The following PRCC variants were observed in gnomAD, a reference collection of about 807,000 sequenced individuals.
PRCC encodes proline rich mitotic checkpoint control factor, also known as proline-rich protein PRCC.
In PRCC, 10 loss-of-function variants were observed where a neutral mutation model predicts 44.0. That is an observed-to-expected ratio of 0.23 (90% CI 0.14 to 0.39). The LOEUF (loss-of-function observed/expected upper bound fraction) is 0.39. Ranked by LOEUF, PRCC falls within the 10% of genes least tolerant of loss-of-function variation. The pLI is 1.00. For missense variants in PRCC, 573 were observed against 624.7 expected (o/e 0.92, Z 0.88); for synonymous variants, 278 against 259.5 (o/e 1.07, Z -0.69).
At chr1:156,789,267 G>A (rs1478258178) in intron 3 of PRCC, among the ~76,000 whole-genome samples, 5 of 152,214 alleles carry the variant, frequency 3.3e-5, no homozygotes, top group African/African-American at 1.2e-4. Flanking sequence ...ACCGTACCCC[G>A]CCAACTTTTG....
At chr1:156,788,131 G>C (rs1652342506) in intron 3 of PRCC, among the ~76,000 whole-genome samples, 1 of 152,170 alleles carries the variant, frequency 6.6e-6, no homozygotes, top group African/African-American at 2.4e-5. Context: ...CACCACACTT[G>C]GCTGTAATAG....
At chr1:156,790,673 A>G (rs1406063779) in intron 3 of PRCC, among the ~76,000 whole-genome samples, 1 of 152,240 alleles carries the variant, frequency 6.6e-6, no homozygotes, top group Non-Finnish European at 1.5e-5. Context: ...TAGCAGGAAA[A>G]TAAAAAAGAT....
intron 1 of PRCC, among the ~76,000 whole-genome samples, chr1:156,781,372 G>A (rs79536139): frequency 0.1 from 15,455 of 152,214 alleles, 1,000 homozygotes; most frequent in African/African-American, 0.18. Context: ...ACAGAATCTT[G>A]GAGATGAATG....
intron 3 of PRCC, among the ~76,000 whole-genome samples, chr1:156,788,647 C>T (rs1014364214): frequency 6.7e-6 from 1 of 149,750 alleles, no homozygotes; most frequent in Non-Finnish European, 1.5e-5. Context: ...TTCTCCACAA[C>T]CTTGCCAGCA....
At chr1:156,775,960 C>T (rs1490934879) in intron 1 of PRCC, among the ~76,000 whole-genome samples, 1 of 152,158 alleles carries the variant, frequency 6.6e-6, no homozygotes, top group Non-Finnish European at 1.5e-5. Context: ...CCCGCCTTGC[C>T]TCATTTTTGA....
intron 5 of PRCC, chr1:156,796,347 A>G (rs1037193273): frequency 5.9e-5 from 9 of 152,262 alleles, no homozygotes; most frequent in Admixed American, 3.3e-4. Context: ...GGAGAAAAAG[A>G]TATGGTCCTT....
rs538344930 is a variant in PRCC at position 156,783,952 on chromosome 1, T to C, written c.516+1623T>C. Among the ~76,000 whole-genome samples the C allele has an allele frequency of 1.7e-4, 25 of 150,932 alleles. No individual in the cohort carries two copies. In the South Asian group the frequency reaches 5.0e-3, roughly 30 times the overall value. ...TGTTTGTATTTATTTATTTAATTTT[T>C]TTTTTTTTGGGGGGGACGGAGTCTC... On this transcript the variant is annotated intron_variant, in intron 2 of 6. Transcript: ENST00000271526.
rs147983586 is a variant in PRCC at position 156,768,753 on chromosome 1, A to C, written c.468+514A>C. On this transcript the variant is annotated intron_variant, in intron 1 of 6. Transcript: ENST00000271526. ...TAGAGGAGAAATCGAATATTTGTTT[A>C]GTGCAGATCATTTGCCGTTCATTGG... is the stretch of plus-strand genomic sequence containing the variant. 1.0e-3 allele frequency among the ~76,000 whole-genome samples: 157 copies of C among 152,344 alleles called. 1 individual carries two copies. Among genetic ancestry groups the C allele is most frequent in the Middle Eastern group, 3.4e-3 (1 of 294 alleles).
chr1:156,779,058 C>T (rs1651931439), intron 1 of PRCC, among the ~76,000 whole-genome samples: 1 of 135,278 alleles, frequency 7.4e-6, no homozygotes, highest in African/African-American at 2.8e-5. Flanking sequence ...CTCAGCCTCC[C>T]AAAGTGCTGG....
At chr1:156,768,603 C>T (rs1651509802) in intron 1 of PRCC, among the ~76,000 whole-genome samples, 1 of 152,164 alleles carries the variant, frequency 6.6e-6, no homozygotes, top group African/African-American at 2.4e-5. Flanking sequence ...TGAAGAATGA[C>T]AGGAGACAGG....
rs768338970 is a variant in PRCC, at chr1:156,787,089, C to G, written c.998C>G (p.Pro333Arg). 1.3e-5 allele frequency: 21 copies of G among 1,614,022 alleles called. No individual in the cohort carries two copies. Among genetic ancestry groups the G allele is most frequent in the Admixed American group, 6.7e-5 (4 of 60,004 alleles). ...ATGGCAGCAGGTTCAAGTGGGGCCC[C>G]TTGGATGCCTAAGCCTGGGGACGAC... ...FKMAAGSSGA[P>R]WMPKPGDDYS... Residue 333 changes from proline to arginine, a missense_variant, in exon 3 of 7, where the codon CCT becomes CGT. This residue lies in a region of PRCC where 141 missense variants were observed against 130.2 expected (regional missense o/e 1.08). Transcript: ENST00000271526.
chr1:156,778,988 C>T lies in PRCC; in HGVS notation c.469-3294C>T, dbSNP rs560356591. Among the ~76,000 whole-genome samples the T allele has an allele frequency of 1.0e-4, 15 of 149,024 alleles. 1 individual carries two copies. The South Asian group carries it at 2.3e-3, about 23-fold the overall frequency. On this transcript the variant is annotated intron_variant, in intron 1 of 6. Coordinates refer to ENST00000271526, the MANE Select transcript of PRCC (RefSeq NM_005973.5). The stretch of plus-strand genomic sequence containing the variant: ...CTAATTTTTATATTTTTAGTAGAGA[C>T]GGGCTTTCATCATATTGGTCAGGCT...
intron 1 of PRCC, 140 bp downstream of exon 1, chr1:156,768,379 T>A: frequency 2.1e-6 from 2 of 960,536 alleles, no homozygotes; most frequent in Non-Finnish European, 3.1e-6. Context: ...ATAATGCGAT[T>A]AATTGAGCTG....
At chr1:156,789,850 C>T (rs1460378140) in intron 3 of PRCC, among the ~76,000 whole-genome samples, 2 of 152,192 alleles carry the variant, frequency 1.3e-5, no homozygotes, top group Admixed American at 1.3e-4. Flanking sequence ...ACTTTTTATT[C>T]ACGTTGTATT....
rs35911411 is a variant in PRCC, at chr1:156,795,285, G to GTTTTTTTTTTTTTTTTTTTTTTTTTTTT, written c.1323+501_1323+502insTTTTTTTTTTTTTTTTTTTTTTTTTTTT. 1.7e-4 allele frequency among the ~76,000 whole-genome samples: 6 copies of GTTTTTTTTTTTTTTTTTTTTTTTTTTTT among 36,062 alleles called. 2 individuals are homozygous for GTTTTTTTTTTTTTTTTTTTTTTTTTTTT. The highest frequency in any genetic ancestry group is 1.6e-3 in the Admixed American group (3 of 1,830). The allele number at this position is 36,062 out of a possible 152,430, so 23.7% of individuals were successfully genotyped here. A position where few individuals can be genotyped will look rare whatever the true frequency, so the allele number is the denominator to read the frequency against. ...CTTCCAATTGTTTTCATTTTCTGGT[G>GTTTTTTTTTTTTTTTTTTTTTTTTTTTT]TTTTTTTTTTTTTTTTTTTTTTTTC... is the stretch of plus-strand genomic sequence containing the variant. On this transcript the variant is annotated intron_variant, in intron 5 of 6. Transcript: ENST00000271526.
chr1:156,776,807 C>G (rs549317596), intron 1 of PRCC, among the ~76,000 whole-genome samples: 8 of 152,096 alleles, frequency 5.3e-5, no homozygotes, highest in African/African-American at 1.9e-4. Context: ...CTTATATACC[C>G]CATAGTGAGG....
Position 156,767,958 on chromosome 1 carries a change from C to T in PRCC, c.187C>T (p.Pro63Ser), listed in dbSNP as rs1363662629. 3 of 1,584,788 alleles carry T rather than the reference C, an allele frequency of 1.9e-6. No homozygotes were observed. The highest frequency in any genetic ancestry group is 1.3e-5 in the African/African-American group (1 of 74,434). Residue 63 changes from proline (P) to serine (S), a missense_variant, in exon 1 of 7, where the codon CCC becomes TCC. Physicochemically the swap from Pro to Ser is moderately conservative, Grantham distance 74. Transcript: ENST00000271526. ...PPPQMLAPAF[P>S]PPLLLPPPTG... ...CCCTCAGATGCTGGCGCCAGCCTTT[C>T]CCCCGCCGCTGTTGCTTCCCCCACC...
In PRCC at chr1:156,800,566, C is replaced by G. The variant is rs1242899012; in HGVS notation, c.*106C>G. On this transcript the variant is annotated 3_prime_UTR_variant, in exon 7 of 7. Transcript: ENST00000271526. ...GCTCTAAGCCCAGGATCTCTTTCCC[C>G]AAGGACCCAGCCCTCGCCTCTGCGA... is the stretch of plus-strand genomic sequence containing the variant. 7 of 1,168,904 alleles carry G rather than the reference C, an allele frequency of 6.0e-6. No individual in the cohort carries two copies. In the African/African-American group the frequency reaches 1.1e-4, roughly 18 times the overall value. The allele number at this position is 1,168,904 out of a possible 1,614,324, so 72.4% of individuals were successfully genotyped here.
chr1:156,781,989 T>G (rs1291690914), intron 1 of PRCC, among the ~76,000 whole-genome samples: 1 of 152,246 alleles, frequency 6.6e-6, no homozygotes, highest in East Asian at 1.9e-4. Context: ...GGAAATAGTC[T>G]TAATTTAACA....
Sources: gnomAD v4.1 joint callset for allele counts (sites outside exome capture counted in the v4.1 genomes callset) on GRCh38, gnomAD v4.1.1 for gene constraint, gnomAD v4.1.1 regional missense constraint, MANE v1.5 for transcripts, NCBI Gene and HGNC (gene_info 2026-07-23, HGNC 2026-07-21) for gene names.